EXOC2: variants seen among roughly 807,000 people sequenced by gnomAD.
EXOC2 encodes exocyst complex component 2.
Under a neutral mutation model 131.8 loss-of-function variants are expected in EXOC2, and 70 were observed. That is an observed-to-expected ratio of 0.53 (90% CI 0.44 to 0.65). The LOEUF is 0.65. EXOC2 is among the 30% of genes least tolerant of loss of function. The probability of loss-of-function intolerance (pLI) is 0.00; values close to 1 mark genes in which losing one functional copy is unlikely to be tolerated. For synonymous variants in EXOC2, 411 were observed against 398.4 expected (o/e 1.03, Z -0.38); for missense variants, 923 against 1,108.6 (o/e 0.83, Z 2.38).
intron 1 of EXOC2, chr6:656,585 C>A: frequency 6.3e-7 from 1 of 1,593,062 alleles, no homozygotes; most frequent in Non-Finnish European, 8.5e-7. Context: ...GGCCCAGGGA[C>A]GAGACCAGCT....
chr6:644,536 A>G (rs1762494995), intron 1 of EXOC2, among the ~76,000 whole-genome samples: 1 of 152,146 alleles, frequency 6.6e-6, no homozygotes, highest in Non-Finnish European at 1.5e-5. Flanking sequence ...TAAAAAGCAG[A>G]AAGATGGCAA....
chr6:607,217 G>A (rs1185748350), intron 7 of EXOC2, among the ~76,000 whole-genome samples: 7 of 152,116 alleles, frequency 4.6e-5, no homozygotes, highest in South Asian at 2.1e-4. Context: ...TGAAACCTGC[G>A]CCTATCAAAA....
At chr6:532,424 T>C (rs1033341736) in intron 23 of EXOC2, 45 bp downstream of exon 23, 2 of 1,430,764 alleles carry the variant, frequency 1.4e-6, no homozygotes, top group Non-Finnish European at 1.8e-6. Context: ...TATCAATTGA[T>C]AAAAGTATAT....
chr6:556,516 C>G lies in EXOC2; in HGVS notation c.1900G>C (p.Gly634Arg). 6.2e-7 allele frequency: 1 copy of G among 1,614,150 alleles called. No homozygotes were observed. Among genetic ancestry groups the G allele is most frequent in the Non-Finnish European group, 8.5e-7 (1 of 1,180,014 alleles). Reference protein sequence around the residue: ...CIVCSLQSLKGVLECKPGEAS... With the variant: ...CIVCSLQSLKRVLECKPGEAS... Reference sequence around the variant, plus strand: ...TCTCCCGGCTTGCACTCCAGAACCCCCTTCAGTGACTGCAGAGAACACACG... The same window carrying G: ...TCTCCCGGCTTGCACTCCAGAACCCGCTTCAGTGACTGCAGAGAACACACG... The change falls in exon 18 of 28, where the codon GGG (glycine) becomes CGG (arginine). Residue 634 changes from glycine (G) to arginine (R), a missense_variant. Coordinates refer to ENST00000230449, the MANE Select transcript of EXOC2 (RefSeq NM_018303.6).
chr6:674,366 C>A (rs1764014372), intron 1 of EXOC2, among the ~76,000 whole-genome samples: 2 of 152,032 alleles, frequency 1.3e-5, no homozygotes, highest in South Asian at 4.1e-4. Flanking sequence ...TTTACTCTTT[C>A]AGCTAGCTAG....
At chr6:597,254 G>A (rs1260384296) in intron 10 of EXOC2, among the ~76,000 whole-genome samples, 1 of 150,278 alleles carries the variant, frequency 6.7e-6, no homozygotes, top group Non-Finnish European at 1.5e-5. Flanking sequence ...TCGGTTCACT[G>A]CAACCTCTGC....
At chr6:522,270 C>T (rs1285743836) in intron 23 of EXOC2, among the ~76,000 whole-genome samples, 6 of 150,560 alleles carry the variant, frequency 4.0e-5, no homozygotes, top group East Asian at 2.0e-4. Context: ...CAGGTCCACG[C>T]GGACTGCAGG....
chr6:634,524 G>A (rs1365525845), intron 2 of EXOC2, among the ~76,000 whole-genome samples: 1 of 152,024 alleles, frequency 6.6e-6, no homozygotes, highest in African/African-American at 2.4e-5. Context: ...TAAAATGGAG[G>A]CACAAAGTCA....
At chr6:589,509 CCCTT>C (rs1759415484) in intron 11 of EXOC2, among the ~76,000 whole-genome samples, 1 of 152,242 alleles carries the variant, frequency 6.6e-6, no homozygotes, top group African/African-American at 2.4e-5. Context: ...CCGGACTGCA[CCCTT>C]CCTATCATAC....
Position 486,245 on chromosome 6 carries a change from T to G in EXOC2, c.*426A>C, listed in dbSNP as rs1173133208. On this transcript the variant is annotated 3_prime_UTR_variant, in exon 28 of 28. Coordinates refer to ENST00000230449, the MANE Select transcript of EXOC2 (RefSeq NM_018303.6). ...TAGGACAGTAAGAGCTCCAAAGATG[T>G]CTACATAGCTTTCCAAATCTCGTAT... is the stretch of plus-strand genomic sequence containing the variant. 6.3e-6 allele frequency: 1 copy of G among 158,348 alleles called. No homozygotes were observed. The highest frequency in any genetic ancestry group is 1.4e-5 in the Non-Finnish European group (1 of 72,370). 9.8% of individuals were successfully genotyped at this position (158,348 alleles called of 1,614,324 possible). A position where few individuals can be genotyped will look rare whatever the true frequency, so the allele number is the denominator to read the frequency against.
At position 501,166 on chromosome 6, in the gene EXOC2, T is replaced by TATATATC. The variant is rs1477937015; in HGVS notation, c.2381-1467_2381-1466insGATATAT. Among the ~76,000 whole-genome samples, 13 of 35,144 alleles carry TATATATC rather than the reference T, an allele frequency of 3.7e-4. 1 individual carries two copies. Among genetic ancestry groups the TATATATC allele is most frequent in the Admixed American group, 1.2e-3 (2 of 1,632 alleles). The allele number at this position is 35,144 out of a possible 152,430, so 23.1% of individuals were successfully genotyped here. A position where few individuals can be genotyped will look rare whatever the true frequency, so the allele number is the denominator to read the frequency against. Reference sequence around the variant, plus strand: ...TATATATTATATATATCTATATATATTATATATATCTATATATTATATATA... The same window carrying TATATATC: ...TATATATTATATATATCTATATATATATATATCTATATATATCTATATATTATATATA... On this transcript the variant is annotated intron_variant, in intron 23 of 27. Transcript: ENST00000230449.
At chr6:644,836 T>C (rs9378447) in intron 1 of EXOC2, among the ~76,000 whole-genome samples, 107,678 of 151,924 alleles carry the variant, frequency 0.71, 38,787 homozygotes, top group Middle Eastern at 0.88. Flanking sequence ...AGAGACAAAA[T>C]AAAGACCTAA....
rs544355351 is a variant in EXOC2 at position 555,349 on chromosome 6, T to C, written c.1993-61A>G. 1.3e-5 allele frequency: 14 copies of C among 1,079,364 alleles called. No individual in the cohort carries two copies. The African/African-American group carries it at 2.0e-4, about 16-fold the overall frequency. The allele number at this position is 1,079,364 out of a possible 1,614,324, so 66.9% of individuals were successfully genotyped here. On this transcript the variant is annotated intron_variant, in intron 19 of 27. Transcript: ENST00000230449. The stretch of plus-strand genomic sequence containing the variant: ...AATGAACTCCTAGACATTAATCTAT[T>C]TGGACACTAAAGATAACTTTACATA...
At chr6:598,236 C>A in intron 9 of EXOC2, 113 bp from the exon 10 acceptor site, 1 of 737,708 alleles carries the variant, frequency 1.4e-6, no homozygotes, top group South Asian at 1.8e-5. Context: ...GGCACCAGGG[C>A]CGTGTCTAGA....
At position 557,243 on chromosome 6, in the gene EXOC2, C is replaced by T. The variant is rs138994756; in HGVS notation, c.1852-679G>A. On this transcript the variant is annotated intron_variant, in intron 17 of 27. Coordinates refer to ENST00000230449, the MANE Select transcript of EXOC2 (RefSeq NM_018303.6). ...ATGTGTATATTTCAGGCAGAAGACA[C>T]GATCATGAAAGTCAAAGTTGACAAA... Among the ~76,000 whole-genome samples the T allele has an allele frequency of 2.0e-3, 306 of 152,092 alleles. 2 individuals are homozygous for T. The highest frequency in any genetic ancestry group is 6.8e-3 in the African/African-American group (284 of 41,490).
intron 11 of EXOC2, 57 bp downstream of exon 11, chr6:592,412 G>T: frequency 7.3e-7 from 1 of 1,378,634 alleles, no homozygotes; most frequent in Non-Finnish European, 1.0e-6. Context: ...AACATTCCCA[G>T]AATGCATCAA....
intron 1 of EXOC2, among the ~76,000 whole-genome samples, chr6:662,992 A>G (rs1763487706): frequency 6.6e-6 from 1 of 150,984 alleles, no homozygotes; most frequent in Non-Finnish European, 1.5e-5. Context: ...CTTTGTCTCA[A>G]AAAAAAAAAC....
intron 1 of EXOC2, among the ~76,000 whole-genome samples, chr6:672,695 T>G (rs1016364270): frequency 1.6e-4 from 24 of 152,182 alleles, no homozygotes; most frequent in African/African-American, 5.8e-4. Context: ...TTTGTTTAGC[T>G]TTTTCCTTAT....
chr6:510,570 T>G (rs1764784101), intron 23 of EXOC2, among the ~76,000 whole-genome samples: 1 of 152,198 alleles, frequency 6.6e-6, no homozygotes, highest in Non-Finnish European at 1.5e-5. Flanking sequence ...ATTCATAAAC[T>G]TCATAGACAA....
Sources: gnomAD v4.1 joint callset for allele counts (sites outside exome capture counted in the v4.1 genomes callset) on GRCh38, gnomAD v4.1.1 for gene constraint, MANE v1.5 for transcripts, NCBI Gene and HGNC (gene_info 2026-07-23, HGNC 2026-07-21) for gene names.